The following CTDSPL variants were observed in gnomAD, a reference collection of about 807,000 sequenced individuals.
CTDSPL encodes the protein CTD small phosphatase-like protein.
In CTDSPL, 8 loss-of-function variants were observed where a neutral mutation model predicts 30.5. The ratio of observed to expected loss-of-function variants is 0.26; its 90% CI spans 0.15 to 0.47. The LOEUF (loss-of-function observed/expected upper bound fraction) is 0.47, where lower values mean the gene tolerates loss of function less well. Among genes scored for constraint, CTDSPL ranks in the 20% least tolerant of loss-of-function variants. The pLI is 0.99. For missense variants in CTDSPL, 248 were observed against 366.1 expected, an observed-to-expected ratio of 0.68 and a Z score of 2.63; for synonymous variants, 110 against 137.9, an observed-to-expected ratio of 0.80 and a Z score of 1.42.
At chr3:37,973,558 G>C (rs574274885) in intron 6 of CTDSPL, among the ~76,000 whole-genome samples, 3 of 152,340 alleles carry the variant, frequency 2.0e-5, no homozygotes, top group South Asian at 4.1e-4. Flanking sequence ...TACATGTCCT[G>C]CTGATGGGTG....
intron 1 of CTDSPL, among the ~76,000 whole-genome samples, chr3:37,927,674 G>GTA (rs1299900518): frequency 4.4e-4 from 54 of 122,320 alleles, no homozygotes; most frequent in African/African-American, 1.8e-3. Context: ...GTGTGTGTGT[G>GTA]TGTGTATGTG....
chr3:37,895,558 G>A (rs1698381392), intron 1 of CTDSPL, among the ~76,000 whole-genome samples: 2 of 152,206 alleles, frequency 1.3e-5, no homozygotes, highest in African/African-American at 4.8e-5. Flanking sequence ...ACACCAGGCT[G>A]AAAGCCATAA....
intron 1 of CTDSPL, among the ~76,000 whole-genome samples, chr3:37,875,724 TAG>T (rs1414855066): frequency 6.6e-6 from 1 of 152,258 alleles, no homozygotes; most frequent in African/African-American, 2.4e-5. Context: ...AGACTTCAGT[TAG>T]AGTCATATTT....
Position 37,980,903 on chromosome 3 carries a change from G to A in CTDSPL, c.*36G>A, listed in dbSNP as rs761020815. The A allele has an allele frequency of 6.2e-7, 1 of 1,600,756 alleles. No individual in the cohort carries two copies. The highest frequency in any genetic ancestry group is 1.7e-5 in the Admixed American group (1 of 59,206). The stretch of plus-strand genomic sequence containing the variant: ...TGCCTGCCTCCCGCCTGTGCACTCT[G>A]GAACCTCTGGCCTCAGGGGACCTGC... On this transcript the variant is annotated 3_prime_UTR_variant, in exon 8 of 8. Transcript: ENST00000273179.
chr3:37,898,546 C>T (rs945700066), intron 1 of CTDSPL, among the ~76,000 whole-genome samples: 2 of 152,162 alleles, frequency 1.3e-5, no homozygotes, highest in African/African-American at 2.4e-5. Context: ...GTGCTTACTA[C>T]GAGCCCCGTG....
chr3:37,899,419 C>T (rs940741766), intron 1 of CTDSPL, among the ~76,000 whole-genome samples: 2 of 152,310 alleles, frequency 1.3e-5, no homozygotes, highest in East Asian at 1.9e-4. Context: ...TTACCCACCA[C>T]AAGGGTCTGG....
chr3:37,897,091 T>G (rs1474983241), intron 1 of CTDSPL, among the ~76,000 whole-genome samples: 1 of 152,172 alleles, frequency 6.6e-6, no homozygotes, highest in Non-Finnish European at 1.5e-5. Flanking sequence ...CCTCTTGCAG[T>G]ATTATTTTGC....
chr3:37,930,959 T>C (rs1434914664), intron 1 of CTDSPL, among the ~76,000 whole-genome samples: 5 of 152,356 alleles, frequency 3.3e-5, no homozygotes, highest in Middle Eastern at 3.4e-3. Flanking sequence ...GCTTTTTGAC[T>C]TAAAGTCTTT....
At chr3:37,899,990 T>C (rs1698431114) in intron 1 of CTDSPL, among the ~76,000 whole-genome samples, 1 of 152,218 alleles carries the variant, frequency 6.6e-6, no homozygotes, top group Admixed American at 6.5e-5. Flanking sequence ...GTAGGTCATG[T>C]CATTCCATTT....
At chr3:37,971,632 A>C in intron 6 of CTDSPL, 133 bp downstream of exon 6, 1 of 737,332 alleles carries the variant, frequency 1.4e-6, no homozygotes, top group Non-Finnish European at 2.3e-6. Context: ...CCCACCCCAG[A>C]TGGGATGGAT....
chr3:37,918,823 G>A (rs533953949), intron 1 of CTDSPL, among the ~76,000 whole-genome samples: 1 of 152,008 alleles, frequency 6.6e-6, no homozygotes, highest in East Asian at 1.9e-4. Flanking sequence ...TGTGATCTGG[G>A]CCCCCTGCTG....
intron 3 of CTDSPL, among the ~76,000 whole-genome samples, chr3:37,957,866 G>A (rs1008116927): frequency 1.3e-5 from 2 of 152,194 alleles, no homozygotes; most frequent in African/African-American, 4.8e-5. Context: ...CCTGAGGCCA[G>A]TCAGTAAGAA....
chr3:37,925,477 G>T (rs1698770817), intron 1 of CTDSPL, among the ~76,000 whole-genome samples: 3 of 152,152 alleles, frequency 2.0e-5, no homozygotes. Context: ...GGAGGCTGTG[G>T]GGCCTGCATT....
rs140144861 is a variant in CTDSPL, at chr3:37,949,528, C to T, written c.234+2317C>T. Among the ~76,000 whole-genome samples the T allele has an allele frequency of 3.7e-3, 561 of 152,318 alleles. 5 individuals are homozygous for T. The highest frequency in any genetic ancestry group is 6.8e-3 in the Middle Eastern group (2 of 294). On this transcript the variant is annotated intron_variant, in intron 2 of 7. Transcript: ENST00000273179. ...TGATATAAAGAAATGGATAGAGTGT[C>T]TCTCTTGTTCTCTCACACACATACA...
chr3:37,913,706 C>A lies in CTDSPL; in HGVS notation c.80-33351C>A, dbSNP rs116214062. Among the ~76,000 whole-genome samples the A allele has an allele frequency of 7.2e-3, 1,095 of 152,320 alleles. 10 individuals are homozygous for A. The highest frequency in any genetic ancestry group is 0.024 in the African/African-American group (1,016 of 41,572). ...AATTGAGGTCCAAAAAGGGGAAGAACTTCTCTGGGATTACACAGAGAGTGA... is the reference window on the plus strand; with the variant it reads ...AATTGAGGTCCAAAAAGGGGAAGAAATTCTCTGGGATTACACAGAGAGTGA... On this transcript the variant is annotated intron_variant, in intron 1 of 7. Coordinates refer to ENST00000273179, the MANE Select transcript of CTDSPL (RefSeq NM_001008392.2).
At chr3:37,933,157 GAA>G (rs57356731) in intron 1 of CTDSPL, among the ~76,000 whole-genome samples, 11 of 61,588 alleles carry the variant, frequency 1.8e-4, no homozygotes, top group African/African-American at 3.9e-4. Flanking sequence ...TCTGTCTCAA[GAA>G]AAAAAAAAAA....
intron 1 of CTDSPL, chr3:37,911,626 AG>A (rs1448185665): frequency 2.2e-6 from 1 of 453,762 alleles, no homozygotes; most frequent in Non-Finnish European, 4.4e-6. Context: ...TTTTTGTTGG[AG>A]AAAAATGTTT....
At chr3:37,921,229 T>A in intron 1 of CTDSPL, among the ~76,000 whole-genome samples, 1 of 152,218 alleles carries the variant, frequency 6.6e-6, no homozygotes, top group Non-Finnish European at 1.5e-5. Flanking sequence ...ACTGGCTAAA[T>A]GACTTGCCAG....
chr3:37,942,922 T>C (rs1003542313), intron 1 of CTDSPL, among the ~76,000 whole-genome samples: 2 of 150,322 alleles, frequency 1.3e-5, no homozygotes, highest in African/African-American at 4.8e-5. Flanking sequence ...CAAGAATTAA[T>C]TGTGGGATGC....
Sources: allele counts gnomAD v4.1 joint callset (sites outside exome capture counted in the v4.1 genomes callset), GRCh38; gene constraint gnomAD v4.1.1; transcripts MANE v1.5; gene names NCBI Gene and HGNC (gene_info 2026-07-23, HGNC 2026-07-21).